Variants in SH3RF2 observed in about 807,000 individuals in gnomAD.
The protein encoded by SH3RF2 is E3 ubiquitin-protein ligase SH3RF2.
SH3RF2 carries 43 observed loss-of-function variants against 59.0 expected under a neutral mutation model. The observed-to-expected ratio is 0.73, with a 90% CI of 0.57 to 0.94. SH3RF2 has a LOEUF of 0.94. Ranked by LOEUF, SH3RF2 falls within the 40% of genes least tolerant of loss-of-function variation. The pLI is 0.00. For synonymous variants in SH3RF2, 391 were observed against 391.5 expected, an observed-to-expected ratio of 1.00 and a Z score of 0.01; for missense variants, 930 against 940.1, an observed-to-expected ratio of 0.99 and a Z score of 0.14.
chr5:146,079,692 C>A (rs1763394315), exon 10 of SH3RF2: 1 of 152,196 alleles, frequency 6.6e-6, no homozygotes, highest in African/African-American at 2.4e-5. Context: ...AGGGGTTAAA[C>A]AGGCAGCCAT....
intron 2 of SH3RF2, among the ~76,000 whole-genome samples, chr5:145,944,773 T>C (rs13189075): frequency 6.6e-6 from 1 of 152,226 alleles, no homozygotes; most frequent in Non-Finnish European, 1.5e-5. Context: ...CCTTTTCTTG[T>C]ATTAGCCTCT....
intron 5 of SH3RF2, among the ~76,000 whole-genome samples, chr5:146,027,903 G>C (rs1046913052): frequency 6.6e-6 from 1 of 152,164 alleles, no homozygotes; most frequent in African/African-American, 2.4e-5. Context: ...GAGGTCCTCG[G>C]TCTGGTTTCT....
At chr5:146,018,247 C>G (rs966388685) in intron 5 of SH3RF2, among the ~76,000 whole-genome samples, 9 of 152,050 alleles carry the variant, frequency 5.9e-5, no homozygotes, top group African/African-American at 2.2e-4. Context: ...CTTAACCACC[C>G]TCACCCTCCC....
At chr5:145,948,112 C>T (rs972684717) in intron 2 of SH3RF2, among the ~76,000 whole-genome samples, 2 of 152,178 alleles carry the variant, frequency 1.3e-5, no homozygotes, top group Non-Finnish European at 2.9e-5. Flanking sequence ...TCACTGGGCT[C>T]TACCTACAGA....
chr5:146,012,808 A>G (rs922205672), intron 4 of SH3RF2, among the ~76,000 whole-genome samples: 2 of 152,120 alleles, frequency 1.3e-5, no homozygotes, highest in African/African-American at 2.4e-5. Context: ...GAATGGACCT[A>G]TACGGTGGGG....
chr5:146,002,091 T>C (rs905531312), intron 3 of SH3RF2, among the ~76,000 whole-genome samples: 9 of 152,122 alleles, frequency 5.9e-5, no homozygotes, highest in Admixed American at 1.3e-4. Flanking sequence ...AAAACAAAGA[T>C]TAACAAAACA....
chr5:145,970,915 A>C (rs1759055816), intron 2 of SH3RF2, among the ~76,000 whole-genome samples: 1 of 152,176 alleles, frequency 6.6e-6, no homozygotes, highest in Non-Finnish European at 1.5e-5. Flanking sequence ...TGATCTCTAC[A>C]TTATTCTCAA....
At chr5:146,030,129 C>T (rs771024419) in intron 5 of SH3RF2, among the ~76,000 whole-genome samples, 1 of 152,212 alleles carries the variant, frequency 6.6e-6, no homozygotes, top group African/African-American at 2.4e-5. Flanking sequence ...CAAATCTTTC[C>T]TACTCTCTGG....
chr5:146,008,442 A>T (rs114456089), intron 4 of SH3RF2, among the ~76,000 whole-genome samples: 23 of 152,246 alleles, frequency 1.5e-4, no homozygotes, highest in Non-Finnish European at 2.9e-4. Context: ...TTACTCATTC[A>T]ATTCAGAGTG....
At chr5:146,021,152 T>C (rs1305651189) in intron 5 of SH3RF2, among the ~76,000 whole-genome samples, 1 of 151,236 alleles carries the variant, frequency 6.6e-6, no homozygotes, top group East Asian at 1.9e-4. Flanking sequence ...CACTAATATA[T>C]ATATTTTTTC....
chr5:146,059,949 C>T lies in SH3RF2; in HGVS notation c.1639C>T (p.Arg547Trp), dbSNP rs754904110. ...SLRRSPTMVL[R>W]PQQFQFYQPQ... ...CAGACGCAGCCCCACCATGGTCCTTCGGCCTCAGCAGTTCCAATTCTACCA... is the reference window on the plus strand; with the variant it reads ...CAGACGCAGCCCCACCATGGTCCTTTGGCCTCAGCAGTTCCAATTCTACCA... The change falls in exon 9 of 10, where the codon CGG becomes TGG. Residue 547 changes from arginine (R) to tryptophan (W), a missense_variant. Transcript: ENST00000359120. 32 of 1,538,634 alleles carry T rather than the reference C, an allele frequency of 2.1e-5. No homozygotes were observed. The highest frequency in any genetic ancestry group is 4.1e-5 in the African/African-American group (3 of 72,560).
At chr5:146,005,769 C>G (rs1000021056) in intron 4 of SH3RF2, among the ~76,000 whole-genome samples, 3 of 151,604 alleles carry the variant, frequency 2.0e-5, no homozygotes, top group African/African-American at 7.3e-5. Context: ...TAGTTAAACC[C>G]TCAATGGCCT....
downstream of SH3RF2, among the ~76,000 whole-genome samples, chr5:146,064,469 T>C (rs1420309024): frequency 6.6e-6 from 1 of 151,258 alleles, no homozygotes; most frequent in East Asian, 2.0e-4. Flanking sequence ...TGTTGTGATT[T>C]AACATTTATT....
intron 2 of SH3RF2, among the ~76,000 whole-genome samples, chr5:145,995,710 A>G (rs1760122702): frequency 6.6e-6 from 1 of 152,176 alleles, no homozygotes; most frequent in Admixed American, 6.5e-5. Flanking sequence ...CAAAAATCTC[A>G]CCACTTAGAG....
At chr5:145,967,989 C>T (rs1195834566) in intron 2 of SH3RF2, among the ~76,000 whole-genome samples, 1 of 145,158 alleles carries the variant, frequency 6.9e-6, no homozygotes, top group East Asian at 1.9e-4. Context: ...TAGAAAAGAT[C>T]TCTTAACTTT....
chr5:146,054,944 A>C (rs1180769917), intron 7 of SH3RF2, among the ~76,000 whole-genome samples: 1 of 152,224 alleles, frequency 6.6e-6, no homozygotes, highest in Non-Finnish European at 1.5e-5. Flanking sequence ...TGGACTGCTC[A>C]ATAGGAAATG....
At chr5:145,993,831 G>A (rs183815779) in intron 2 of SH3RF2, among the ~76,000 whole-genome samples, 34 of 152,138 alleles carry the variant, frequency 2.2e-4, no homozygotes, top group Admixed American at 3.9e-4. Context: ...CCCCCCTGTC[G>A]TCTTGGGGAT....
intron 2 of SH3RF2, among the ~76,000 whole-genome samples, chr5:145,995,935 T>A (rs1760130216): frequency 6.6e-6 from 1 of 152,144 alleles, no homozygotes; most frequent in African/African-American, 2.4e-5. Context: ...TGGGTATGGG[T>A]GTATAATAAT....
At chr5:145,982,670 A>G (rs1366488144) in intron 2 of SH3RF2, among the ~76,000 whole-genome samples, 4 of 152,202 alleles carry the variant, frequency 2.6e-5, no homozygotes, top group African/African-American at 7.2e-5. Context: ...TGGGCTGGGT[A>G]GAAGTTTCTG....
Sources: allele counts gnomAD v4.1 joint callset (sites outside exome capture counted in the v4.1 genomes callset), GRCh38; gene constraint gnomAD v4.1.1; transcripts MANE v1.5; gene names NCBI Gene and HGNC (gene_info 2026-07-23, HGNC 2026-07-21).